Variants in MR1 observed in about 807,000 individuals in gnomAD.
The protein encoded by MR1 is major histocompatibility complex class I-related protein 1.
A neutral mutation model predicts 37.8 loss-of-function variants in MR1; 44 were observed. The ratio of observed to expected loss-of-function variants is 1.16; its 90% CI spans 0.91 to 1.50. The LOEUF (loss-of-function observed/expected upper bound fraction) is 1.50. Among genes scored for constraint, MR1 ranks in the 40% most tolerant of loss-of-function variants. The pLI is 0.00. For missense variants in MR1, 386 were observed against 419.1 expected (o/e 0.92, Z 0.69); for synonymous variants, 153 against 155.8 (o/e 0.98, Z 0.13).
At position 181,057,646 on chromosome 1, in the gene MR1, C is replaced by A. The variant is rs1447005326; in HGVS notation, c.*2381C>A. The A allele has an allele frequency of 1.3e-5, 2 of 152,062 alleles. No individual in the cohort carries two copies. The highest frequency in any genetic ancestry group is 2.4e-5 in the African/African-American group (1 of 41,396). The allele number at this position is 152,062 out of a possible 1,614,324, so 9.4% of individuals were successfully genotyped here. A position where few individuals can be genotyped will look rare whatever the true frequency, so the allele number is the denominator to read the frequency against. On this transcript the variant is annotated 3_prime_UTR_variant, in exon 6 of 6. Coordinates refer to ENST00000367580, the MANE Select transcript of MR1 (RefSeq NM_001385161.1). Reference sequence around the variant, plus strand: ...TGATGACAAAACATTCTGTTATGCACTTGTAGCATTTATGTTTCTTCCTGG... The same window carrying A: ...TGATGACAAAACATTCTGTTATGCAATTGTAGCATTTATGTTTCTTCCTGG...
In MR1 at chr1:181,050,214, T is replaced by A. The variant is rs778620604; in HGVS notation, c.532T>A (p.Trp178Arg). Residue 178 changes from tryptophan (W) to arginine (R), a missense_variant, in exon 3 of 6, where the codon TGG (tryptophan) becomes AGG (arginine). Transcript: ENST00000367580. Reference sequence around the variant, plus strand: ...GCATGAGTTGCTGTATCAAAAGAATTGGCTGGAAGAAGAATGTATTGCCTG... The same window carrying A: ...GCATGAGTTGCTGTATCAAAAGAATAGGCTGGAAGAAGAATGTATTGCCTG... ...NQHELLYQKN[W>R]LEEECIAWLK... is the part of the protein sequence containing the mutation. 2.5e-6 allele frequency: 4 copies of A among 1,614,206 alleles called. No homozygotes were observed. The East Asian group carries it at 6.7e-5, about 27-fold the overall frequency.
At chr1:181,049,017 A>G (rs1658110294) in intron 1 of MR1, 35 bp from the exon 2 acceptor site, 1 of 1,598,368 alleles carries the variant, frequency 6.3e-7, no homozygotes, top group Non-Finnish European at 8.5e-7. Flanking sequence ...ATCATCTGGG[A>G]CCCTACATGT....
chr1:181,045,375 TCAGCCTGGGCTCCACCTCC>T (rs1036094557), intron 1 of MR1, among the ~76,000 whole-genome samples: 6 of 152,156 alleles, frequency 3.9e-5, no homozygotes, highest in African/African-American at 1.4e-4. Context: ...CGTAGCCTTC[TCAGCCTGGGCTCCACCTCC>T]CAGGCATCGC....
rs1205841046 is a variant in MR1 at position 181,050,175 on chromosome 1, T to C, written c.493T>C (p.Trp165Arg). Reference sequence around the variant, plus strand: ...TGTGGCTCACACCATCAAGCAGGCATGGGAGGCCAATCAGCATGAGTTGCT... The same window carrying C: ...TGTGGCTCACACCATCAAGCAGGCACGGGAGGCCAATCAGCATGAGTTGCT... ...DNVAHTIKQA[W>R]EANQHELLYQ... Residue 165 changes from tryptophan (W) to arginine (R), a missense_variant, in exon 3 of 6, where the codon TGG becomes CGG. Coordinates refer to ENST00000367580, the MANE Select transcript of MR1 (RefSeq NM_001385161.1). 4 of 1,614,086 alleles carry C rather than the reference T, an allele frequency of 2.5e-6. No individual in the cohort carries two copies. In the African/African-American group the frequency reaches 4.0e-5, roughly 16 times the overall value.
intron 5 of MR1, 24 bp downstream of exon 5, chr1:181,053,701 C>CTGCAGGA (rs1658453154): frequency 1.3e-6 from 2 of 1,486,604 alleles, no homozygotes; most frequent in Admixed American, 3.4e-5. Context: ...GGAAGGGATC[C>CTGCAGGA]AGGGGGCTGC....
intron 1 of MR1, among the ~76,000 whole-genome samples, chr1:181,045,646 T>C (rs1558115523): frequency 6.6e-6 from 1 of 152,084 alleles, no homozygotes; most frequent in Non-Finnish European, 1.5e-5. Context: ...TTGGATCCCA[T>C]AACACTGAGA....
chr1:181,036,384 T>C (rs1657269474), intron 1 of MR1, among the ~76,000 whole-genome samples: 1 of 152,174 alleles, frequency 6.6e-6, no homozygotes, highest in Non-Finnish European at 1.5e-5. Context: ...GCTTGAAGGC[T>C]GTTTCCTGCT....
intron 2 of MR1, 24 bp downstream of exon 2, chr1:181,049,336 G>A (rs370880290): frequency 1.1e-4 from 177 of 1,600,444 alleles, no homozygotes; most frequent in African/African-American, 1.1e-4. Flanking sequence ...AGAGACAGAC[G>A]CTTCCCCCAT....
In MR1 at chr1:181,053,678, G is replaced by A. The variant is rs1271525570; in HGVS notation, c.985+1G>A. 1.9e-6 allele frequency: 3 copies of A among 1,606,160 alleles called. No homozygotes were observed. The highest frequency in any genetic ancestry group is 2.2e-5 in the South Asian group (2 of 90,916). ...CTAGTCTGGAGAAGAAGGCCCCGAG[G>A]TGAGAGGCACATGGAAGGGATCCAG... On this transcript the variant is annotated splice_donor_variant, in intron 5 of 5. Transcript: ENST00000367580. LOFTEE classifies it high-confidence loss of function.
At chr1:181,046,348 C>T (rs1230210957) in intron 1 of MR1, among the ~76,000 whole-genome samples, 1 of 152,196 alleles carries the variant, frequency 6.6e-6, no homozygotes, top group Non-Finnish European at 1.5e-5. Flanking sequence ...TGTAAATACA[C>T]CAATCGGCAC....
intron 4 of MR1, among the ~76,000 whole-genome samples, chr1:181,053,355 C>T (rs982963138): frequency 4.6e-5 from 7 of 151,070 alleles, no homozygotes; most frequent in African/African-American, 1.7e-4. Context: ...GCACTTCCAC[C>T]TGGACGACAG....
In MR1 at chr1:181,052,406, C is replaced by A; in HGVS notation, c.776C>A (p.Thr259Asn). 1 of 1,614,190 alleles carries A rather than the reference C, an allele frequency of 6.2e-7. No individual in the cohort carries two copies. Among genetic ancestry groups the A allele is most frequent in the Non-Finnish European group, 8.5e-7 (1 of 1,180,042 alleles). ...YGDILPSGDG[T>N]YQAWASIELD... ...GACATTCTTCCCAGTGGGGATGGAA[C>A]CTATCAGGCGTGGGCATCAATTGAG... The change falls in exon 4 of 6, where the codon ACC (threonine) becomes AAC (asparagine). Residue 259 changes from threonine to asparagine, a missense_variant. Transcript: ENST00000367580.
chr1:181,055,167 A>G, intron 5 of MR1, 58 bp from the exon 6 acceptor site: 1 of 1,548,260 alleles, frequency 6.5e-7, no homozygotes, highest in Non-Finnish European at 8.9e-7. Flanking sequence ...TGCATACTTT[A>G]TTTTTGAGCT....
At position 181,061,814 on chromosome 1, in the gene MR1, T is replaced by A. The variant is rs1658910966; in HGVS notation, c.*6549T>A. 1 of 152,182 alleles carries A rather than the reference T, an allele frequency of 6.6e-6. No individual in the cohort carries two copies. The highest frequency in any genetic ancestry group is 2.4e-5 in the African/African-American group (1 of 41,450). The allele number at this position is 152,182 out of a possible 1,614,324, so 9.4% of individuals were successfully genotyped here. On this transcript the variant is annotated 3_prime_UTR_variant, in exon 6 of 6. Transcript: ENST00000367580. ...CAGCTGAAGTCATAGAGGGGAAATA[T>A]CCCACTCAAGATCATATAACATTCC...
chr1:181,049,285 C>T lies in MR1; in HGVS notation c.301C>T (p.Arg101Cys), dbSNP rs763132197. The part of the protein sequence containing the change: ...WQQMFKVELK[R>C]LQRHYNHSGS... ...GCAGATGTTCAAGGTGGAACTGAAG[C>T]GCCTACAGAGGCACTACAATCACTC... The change falls in exon 2 of 6, where the codon CGC (arginine) becomes TGC (cysteine). Residue 101 changes from arginine to cysteine, a missense_variant. Transcript: ENST00000367580. The T allele has an allele frequency of 1.1e-5, 17 of 1,613,894 alleles. No individual in the cohort carries two copies. The highest frequency in any genetic ancestry group is 2.7e-5 in the African/African-American group (2 of 75,026).
chr1:181,050,646 AG>A (rs1468272666), intron 3 of MR1: 2 of 287,314 alleles, frequency 7.0e-6, no homozygotes, highest in Non-Finnish European at 1.3e-5. Context: ...CACCACCAGT[AG>A]GAGTAAAAAT....
intron 1 of MR1, among the ~76,000 whole-genome samples, chr1:181,046,514 G>A (rs1024909297): frequency 6.6e-6 from 1 of 152,134 alleles, no homozygotes; most frequent in Non-Finnish European, 1.5e-5. Flanking sequence ...TGGTGGGGAC[G>A]TGGAGAACCT....
At chr1:181,033,664 G>A (rs1256418304), upstream of MR1, among the ~76,000 whole-genome samples, 1 of 152,162 alleles carries the variant, frequency 6.6e-6, no homozygotes, top group African/African-American at 2.4e-5. Context: ...CTAAGCTCCA[G>A]GGAAGCAGAG....
At chr1:181,045,778 T>C (rs1330465455) in intron 1 of MR1, among the ~76,000 whole-genome samples, 1 of 152,224 alleles carries the variant, frequency 6.6e-6, no homozygotes, top group Non-Finnish European at 1.5e-5. Flanking sequence ...TGGGAGCCCC[T>C]TTCTGGGCTG....
Sources: gnomAD v4.1 joint callset for allele counts (sites outside exome capture counted in the v4.1 genomes callset) on GRCh38, gnomAD v4.1.1 for gene constraint, MANE v1.5 for transcripts, NCBI Gene and HGNC (gene_info 2026-07-23, HGNC 2026-07-21) for gene names.